The following GPCPD1 variants were observed in gnomAD, a reference collection of about 807,000 sequenced individuals.
GPCPD1 encodes glycerophosphocholine phosphodiesterase GPCPD1.
GPCPD1 carries 29 observed loss-of-function variants against 89.2 expected under a neutral mutation model. The ratio of observed to expected loss-of-function variants is 0.33; its 90% CI spans 0.24 to 0.44. The LOEUF (loss-of-function observed/expected upper bound fraction) is 0.44. Among genes scored for constraint, GPCPD1 ranks in the 20% least tolerant of loss-of-function variants. GPCPD1 has a pLI of 1.00. For synonymous variants in GPCPD1, 258 were observed against 266.3 expected (o/e 0.97, Z 0.30); for missense variants, 594 against 808.9 (o/e 0.73, Z 3.22).
At chr20:5,602,939 C>A (rs540308784) in intron 2 of GPCPD1, among the ~76,000 whole-genome samples, 1 of 148,314 alleles carries the variant, frequency 6.7e-6, no homozygotes, top group African/African-American at 2.5e-5. Flanking sequence ...GCCGAGATCG[C>A]GTCATTGCAC....
chr20:5,596,134 T>C (rs577491167), intron 3 of GPCPD1, among the ~76,000 whole-genome samples: 1 of 152,032 alleles, frequency 6.6e-6, no homozygotes, highest in Non-Finnish European at 1.5e-5. Flanking sequence ...AACCCAGGCA[T>C]AGTGGCTTAT....
At chr20:5,605,379 A>C (rs1454345711) in intron 1 of GPCPD1, among the ~76,000 whole-genome samples, 1 of 152,248 alleles carries the variant, frequency 6.6e-6, no homozygotes, top group African/African-American at 2.4e-5. Context: ...TTTAACACAA[A>C]GGAAACAACC....
At chr20:5,594,295 C>CTT in intron 3 of GPCPD1, among the ~76,000 whole-genome samples, 2 of 146,434 alleles carry the variant, frequency 1.4e-5, no homozygotes, top group Admixed American at 1.4e-4. Flanking sequence ...CTCCAGGTAA[C>CTT]TTTTTTTTTT....
chr20:5,554,607 C>A (rs1227937632), intron 19 of GPCPD1, among the ~76,000 whole-genome samples: 1 of 152,134 alleles, frequency 6.6e-6, no homozygotes, highest in Non-Finnish European at 1.5e-5. Context: ...ACGTACGGCT[C>A]AGGAAGAAAA....
intron 3 of GPCPD1, among the ~76,000 whole-genome samples, chr20:5,594,355 T>C (rs1979550714): frequency 1.3e-5 from 2 of 151,382 alleles, no homozygotes; most frequent in Non-Finnish European, 2.9e-5. Flanking sequence ...AGTGGCGCGA[T>C]CTCAGCTCAC....
chr20:5,561,073 C>G (rs1332897767), intron 16 of GPCPD1, among the ~76,000 whole-genome samples: 1 of 152,034 alleles, frequency 6.6e-6, no homozygotes, highest in Non-Finnish European at 1.5e-5. Flanking sequence ...AATTTTTTTC[C>G]TGAATAATTA....
At chr20:5,574,030 A>C (rs1315130937) in intron 10 of GPCPD1, 61 bp from the exon 11 acceptor site, 3 of 914,190 alleles carry the variant, frequency 3.3e-6, no homozygotes, top group African/African-American at 3.3e-5. Flanking sequence ...AAATGTAATA[A>C]AGAAGCAAAG....
At position 5,578,616 on chromosome 20, in the gene GPCPD1, G is replaced by A. The variant is rs778034229; in HGVS notation, c.474-5C>T. ...CCTTCTAGTGTCAGCTTCACCCTAC[G>A]TAATAAACAAAATAATGAGATGCAA... On this transcript the variant is annotated splice_polypyrimidine_tract_variant and splice_region_variant and intron_variant, in intron 7 of 19. Coordinates refer to ENST00000379019, the MANE Select transcript of GPCPD1 (RefSeq NM_019593.5). 29 of 1,557,758 alleles carry A rather than the reference G, an allele frequency of 1.9e-5. No individual in the cohort carries two copies. Among genetic ancestry groups the A allele is most frequent in the Admixed American group, 6.7e-5 (4 of 59,768 alleles).
chr20:5,607,320 T>C (rs1980657292), intron 1 of GPCPD1, among the ~76,000 whole-genome samples: 1 of 146,594 alleles, frequency 6.8e-6, no homozygotes, highest in Non-Finnish European at 1.5e-5. Context: ...AGGCCGGGCA[T>C]GGTGGCTCAT....
intron 3 of GPCPD1, among the ~76,000 whole-genome samples, chr20:5,598,167 C>T (rs944398304): frequency 3.3e-5 from 5 of 151,368 alleles, no homozygotes; most frequent in Non-Finnish European, 4.4e-5. Flanking sequence ...CAGACACCAC[C>T]TTTGTGCCAA....
Position 5,565,036 on chromosome 20 carries a change from G to A in GPCPD1, c.1310C>T (p.Pro437Leu). The A allele has an allele frequency of 6.5e-7, 1 of 1,529,456 alleles. No homozygotes were observed. Among genetic ancestry groups the A allele is most frequent in the South Asian group, 1.1e-5 (1 of 89,154 alleles). The allele number at this position is 1,529,456 out of a possible 1,614,324, so 94.7% of individuals were successfully genotyped here. ...QEENSFSENQ[P>L]FPSLKMVLES... ...ACTTACCATCTTAAGAGAAGGAAAT[G>A]GCTGATTTTCTGAAAAGGAATTTTC... is the stretch of plus-strand genomic sequence containing the variant. Residue 437 changes from proline to leucine, a missense_variant, in exon 15 of 20, where the codon CCA (proline) becomes CTA (leucine). Coordinates refer to ENST00000379019, the MANE Select transcript of GPCPD1 (RefSeq NM_019593.5).
chr20:5,583,062 C>T (rs575877119), intron 6 of GPCPD1, among the ~76,000 whole-genome samples: 160 of 151,498 alleles, frequency 1.1e-3, no homozygotes, highest in African/African-American at 3.7e-3. Context: ...TGGAGAAACC[C>T]CGTCTCTACT....
chr20:5,565,042 T>C lies in GPCPD1; in HGVS notation c.1304A>G (p.Asn435Ser), dbSNP rs1418973622. ...VVQEENSFSE[N>S]QPFPSLKMVL... ...CATCTTAAGAGAAGGAAATGGCTGA[T>C]TTTCTGAAAAGGAATTTTCCTCCTG... Residue 435 changes from asparagine to serine, a missense_variant, in exon 15 of 20, where the codon AAT (asparagine) becomes AGT (serine). Transcript: ENST00000379019. The C allele has an allele frequency of 1.3e-6, 2 of 1,554,314 alleles. No homozygotes were observed. Among genetic ancestry groups the C allele is most frequent in the Non-Finnish European group, 1.8e-6 (2 of 1,125,698 alleles).
At chr20:5,568,161 T>C (rs1206017809) in intron 12 of GPCPD1, among the ~76,000 whole-genome samples, 1 of 149,464 alleles carries the variant, frequency 6.7e-6, no homozygotes, top group East Asian at 2.0e-4. Context: ...TGTCACTCTG[T>C]TGAAGGCACT....
At chr20:5,597,887 A>T (rs1979842750) in intron 3 of GPCPD1, among the ~76,000 whole-genome samples, 1 of 152,198 alleles carries the variant, frequency 6.6e-6, no homozygotes, top group African/African-American at 2.4e-5. Context: ...TCTTCATATT[A>T]GCTAAGCTAT....
intron 3 of GPCPD1, among the ~76,000 whole-genome samples, chr20:5,595,312 A>G (rs1189384178): frequency 1.3e-5 from 2 of 151,518 alleles, no homozygotes; most frequent in East Asian, 3.8e-4. Flanking sequence ...AAAATAAATA[A>G]ATAATAAATA....
intron 4 of GPCPD1, among the ~76,000 whole-genome samples, chr20:5,589,750 T>C (rs1269126889): frequency 6.6e-6 from 1 of 152,222 alleles, no homozygotes; most frequent in South Asian, 2.1e-4. Flanking sequence ...AATAACTTAT[T>C]CTTTAAGATC....
intron 1 of GPCPD1, among the ~76,000 whole-genome samples, chr20:5,608,228 G>C (rs1980727314): frequency 6.6e-6 from 1 of 152,178 alleles, no homozygotes; most frequent in African/African-American, 2.4e-5. Flanking sequence ...ATGTTTGGAA[G>C]AGTGACTACA....
intron 6 of GPCPD1, among the ~76,000 whole-genome samples, chr20:5,582,341 TAAACAATCCC>T (rs1978595454): frequency 6.6e-6 from 1 of 151,568 alleles, no homozygotes; most frequent in South Asian, 2.1e-4. Flanking sequence ...TGATGTAATA[TAAACAATCCC>T]AAACAAAATC....
Sources: allele counts gnomAD v4.1 joint callset (sites outside exome capture counted in the v4.1 genomes callset), GRCh38; gene constraint gnomAD v4.1.1; transcripts MANE v1.5; gene names NCBI Gene and HGNC (gene_info 2026-07-23, HGNC 2026-07-21).